MAGI3: variants seen among roughly 807,000 people sequenced by gnomAD.
MAGI3 encodes membrane associated guanylate kinase, WW and PDZ domain containing 3.
A neutral mutation model predicts 121.8 loss-of-function variants in MAGI3; 43 were observed. The ratio of observed to expected loss-of-function variants is 0.35; its 90% confidence interval spans 0.28 to 0.46. MAGI3 has a LOEUF of 0.46. MAGI3 is among the 20% of genes least tolerant of loss of function. The pLI, the probability that MAGI3 is intolerant of heterozygous loss-of-function variation, is 1.00. For synonymous variants in MAGI3, 553 were observed against 639.3 expected, an observed-to-expected ratio of 0.86 and a Z score of 2.04; for missense variants, 1,547 against 1,797.3, an observed-to-expected ratio of 0.86 and a Z score of 2.52.
At chr1:113,673,835 T>C (rs915138441) in intron 19 of MAGI3, among the ~76,000 whole-genome samples, 3 of 152,230 alleles carry the variant, frequency 2.0e-5, no homozygotes, top group Non-Finnish European at 2.9e-5. Flanking sequence ...TCTTTAACTT[T>C]TTCCAGGAGG....
chr1:113,414,008 G>A (rs1652155832), intron 1 of MAGI3, among the ~76,000 whole-genome samples: 1 of 152,180 alleles, frequency 6.6e-6, no homozygotes, highest in African/African-American at 2.4e-5. Context: ...GATATTGGCT[G>A]TGGGTTTGTC....
intron 11 of MAGI3, among the ~76,000 whole-genome samples, 175 bp from the exon 12 acceptor site, chr1:113,646,311 C>T (rs189044980): frequency 1.5e-3 from 223 of 152,112 alleles, no homozygotes; most frequent in African/African-American, 5.3e-3. Flanking sequence ...TATGTTTCAA[C>T]CAAATACACA....
intron 1 of MAGI3, among the ~76,000 whole-genome samples, chr1:113,528,258 A>G (rs1658542755): frequency 6.7e-6 from 1 of 148,306 alleles, no homozygotes; most frequent in African/African-American, 2.5e-5. Flanking sequence ...ATACCTCTTT[A>G]GTCTCTTTTG....
intron 1 of MAGI3, among the ~76,000 whole-genome samples, chr1:113,533,283 A>G (rs2101644256): frequency 6.6e-6 from 1 of 152,378 alleles, no homozygotes; most frequent in African/African-American, 2.4e-5. Context: ...TGTCCTTTGC[A>G]GCAACTTCAG....
chr1:113,562,563 GA>G (rs756192097), intron 2 of MAGI3, among the ~76,000 whole-genome samples: 1 of 152,102 alleles, frequency 6.6e-6, no homozygotes, highest in African/African-American at 2.4e-5. Flanking sequence ...CACAGAATTA[GA>G]AAAAAACTAT....
At chr1:113,633,842 A>G (rs1651824461) in intron 9 of MAGI3, among the ~76,000 whole-genome samples, 2 of 152,216 alleles carry the variant, frequency 1.3e-5, no homozygotes, top group Non-Finnish European at 1.5e-5. Context: ...ACTAGTTTAC[A>G]GTCCCACCAA....
At chr1:113,406,283 A>C (rs1651676666) in intron 1 of MAGI3, among the ~76,000 whole-genome samples, 1 of 150,448 alleles carries the variant, frequency 6.6e-6, no homozygotes, top group Admixed American at 6.6e-5. Flanking sequence ...CTACAGAAAA[A>C]AAAAAAAAAA....
At chr1:113,470,178 T>C (rs150145733) in intron 1 of MAGI3, among the ~76,000 whole-genome samples, 91 of 152,306 alleles carry the variant, frequency 6.0e-4, no homozygotes, top group African/African-American at 2.0e-3. Context: ...GTCTTTTTTT[T>C]TTTCTCTCTT....
At chr1:113,600,931 CT>C (rs1649333661) in intron 6 of MAGI3, among the ~76,000 whole-genome samples, 2 of 152,188 alleles carry the variant, frequency 1.3e-5, no homozygotes. Context: ...CTACAACTAT[CT>C]GATCTTTGAC....
intron 2 of MAGI3, among the ~76,000 whole-genome samples, chr1:113,577,320 G>A (rs879505774): frequency 1.3e-5 from 2 of 152,124 alleles, no homozygotes; most frequent in Admixed American, 1.3e-4. Context: ...GACTATTGTT[G>A]AAACATAGCA....
At chr1:113,459,820 C>T (rs1654942949) in intron 1 of MAGI3, among the ~76,000 whole-genome samples, 2 of 152,316 alleles carry the variant, frequency 1.3e-5, no homozygotes, top group South Asian at 4.1e-4. Context: ...GATGGATTCA[C>T]AGCCAGATTC....
chr1:113,497,220 G>A (rs1656964520), intron 1 of MAGI3, among the ~76,000 whole-genome samples: 1 of 145,258 alleles, frequency 6.9e-6, no homozygotes, highest in Non-Finnish European at 1.5e-5. Flanking sequence ...TCACACCACT[G>A]GAATAGGAAC....
At chr1:113,613,692 T>C (rs1650299516) in intron 6 of MAGI3, among the ~76,000 whole-genome samples, 1 of 152,182 alleles carries the variant, frequency 6.6e-6, no homozygotes, top group Non-Finnish European at 1.5e-5. Flanking sequence ...CAGTGGACTT[T>C]TAAAAAAATT....
At chr1:113,655,679 A>G (rs993367308) in intron 15 of MAGI3, among the ~76,000 whole-genome samples, 1 of 152,136 alleles carries the variant, frequency 6.6e-6, no homozygotes, top group Non-Finnish European at 1.5e-5. Flanking sequence ...TTGTAATCCA[A>G]CAAACTTGGA....
intron 2 of MAGI3, among the ~76,000 whole-genome samples, chr1:113,579,030 G>C (rs992063883): frequency 9.2e-5 from 14 of 152,110 alleles, no homozygotes; most frequent in Non-Finnish European, 1.5e-4. Context: ...GCAATTAAGA[G>C]TTTCCCATGA....
At chr1:113,507,595 A>G (rs1201970185) in intron 1 of MAGI3, among the ~76,000 whole-genome samples, 1 of 152,172 alleles carries the variant, frequency 6.6e-6, no homozygotes, top group Non-Finnish European at 1.5e-5. Context: ...CTCAGATAAC[A>G]TTTCACCTCT....
intron 1 of MAGI3, among the ~76,000 whole-genome samples, chr1:113,493,351 A>C (rs765412902): frequency 1.3e-5 from 2 of 152,208 alleles, no homozygotes; most frequent in Non-Finnish European, 2.9e-5. Flanking sequence ...GGAAAATTGA[A>C]ACTGGATGCC....
At chr1:113,585,637 T>C (rs1648322105) in intron 4 of MAGI3, 41 bp downstream of exon 4, 5 of 1,523,410 alleles carry the variant, frequency 3.3e-6, no homozygotes, top group African/African-American at 1.4e-5. Context: ...ATCTTCTAGA[T>C]TGATTTTACT....
intron 4 of MAGI3, among the ~76,000 whole-genome samples, chr1:113,585,848 T>C (rs927824749): frequency 6.6e-6 from 1 of 152,204 alleles, no homozygotes; most frequent in African/African-American, 2.4e-5. Context: ...ATTACCCTGC[T>C]GTTTAAAATA....
Sources: gnomAD v4.1 joint callset for allele counts (sites outside exome capture counted in the v4.1 genomes callset) on GRCh38, gnomAD v4.1.1 for gene constraint, MANE v1.5 for transcripts, NCBI Gene and HGNC (gene_info 2026-07-23, HGNC 2026-07-21) for gene names.